ZNF469: variants seen among roughly 807,000 people sequenced by gnomAD.
ZNF469 encodes the protein zinc finger protein 469.
A neutral mutation model predicts 1.0 loss-of-function variants in ZNF469; 1 was observed. The ratio of observed to expected loss-of-function variants is 1.00; its 90% CI spans 0.35 to 4.73. ZNF469 has a LOEUF of 4.73. Among genes scored for constraint, ZNF469 ranks in the 30% most tolerant of loss-of-function variants. ZNF469 has a pLI of 0.16. For missense variants in ZNF469, 6,100 were observed against 5,356.3 expected (o/e 1.14, Z -4.33); for synonymous variants, 2,703 against 2,363.4 (o/e 1.14, Z -4.17).
In ZNF469 at chr16:88,434,122, G is replaced by A; in HGVS notation, c.6652G>A (p.Glu2218Lys). The change falls in exon 3 of 3, where the codon GAG becomes AAG. Residue 2218 changes from glutamate (E) to lysine (K), a missense_variant. Glu to Lys is a moderately conservative substitution (Grantham distance 56, BLOSUM62 1). Transcript: ENST00000565624. ...CCTGGCTGGTTGCCTTCTCCAGGGG[G>A]AGGGCAGCCCCCTGGAAGACCCTTC... ...EALAGCLLQG[E>K]GSPLEDPSSW... 2 of 1,550,350 alleles carry A rather than the reference G, an allele frequency of 1.3e-6. No homozygotes were observed. Among genetic ancestry groups the A allele is most frequent in the East Asian group, 4.9e-5 (2 of 40,916 alleles).
At chr16:88,115,294 A>T in the ZNF469 span, among the ~76,000 whole-genome samples, 1 of 152,056 alleles carries the variant, frequency 6.6e-6, no homozygotes, top group Non-Finnish European at 1.5e-5. Flanking sequence ...TCTGCAATAG[A>T]TATATATTAT....
the ZNF469 span, among the ~76,000 whole-genome samples, chr16:88,197,629 A>G: frequency 2.0e-5 from 3 of 152,122 alleles, no homozygotes; most frequent in Non-Finnish European, 4.4e-5. Flanking sequence ...TACCCTCCCC[A>G]TGGTTCCTGG....
chr16:88,274,557 C>T, the ZNF469 span, among the ~76,000 whole-genome samples: 1 of 152,230 alleles, frequency 6.6e-6, no homozygotes, highest in Non-Finnish European at 1.5e-5. Flanking sequence ...AGGCTGGTGT[C>T]CGGGCGGGGC....
At position 88,412,485 on chromosome 16, in the gene ZNF469, C is replaced by CT. The variant is rs372445830; in HGVS notation, c.-191-12318dup. Among the ~76,000 whole-genome samples the CT allele has an allele frequency of 8.5e-4, 130 of 152,338 alleles. 3 individuals carry two copies. Among genetic ancestry groups the CT allele is most frequent in the African/African-American group, 2.9e-3 (122 of 41,588 alleles). The stretch of plus-strand genomic sequence containing the variant: ...TTCATGAGGTCTTTGCCAGTGAAGG[C>CT]TTTTCCTGCTCCAATGGCGGTTCCA... On this transcript the variant is annotated intron_variant, in intron 1 of 2. Transcript: ENST00000565624.
In ZNF469 at chr16:88,434,290, G is replaced by A. The variant is rs560650237; in HGVS notation, c.6820G>A (p.Ala2274Thr). 11 of 1,550,362 alleles carry A rather than the reference G, an allele frequency of 7.1e-6. No homozygotes were observed. The African/African-American group carries it at 1.5e-4, about 21-fold the overall frequency. ...TGGCCGAGCCACCTCTCCTCCTCTGGCAGGGGCCGTCTCCCCCAGCGTGGC... is the reference window on the plus strand; with the variant it reads ...TGGCCGAGCCACCTCTCCTCCTCTGACAGGGGCCGTCTCCCCCAGCGTGGC... ...SPGRATSPPLAGAVSPSVAVR... is the reference protein window; with the variant it reads ...SPGRATSPPLTGAVSPSVAVR... Residue 2274 changes from alanine (A) to threonine (T), a missense_variant, in exon 3 of 3, where the codon GCA becomes ACA. Physicochemically the swap from Ala to Thr is moderately conservative, Grantham distance 58. Transcript: ENST00000565624.
Position 88,430,942 on chromosome 16 carries a change from C to G in ZNF469, c.3472C>G (p.Pro1158Ala). 1 of 1,535,624 alleles carries G rather than the reference C, an allele frequency of 6.5e-7. No individual in the cohort carries two copies. The highest frequency in any genetic ancestry group is 1.2e-5 in the South Asian group (1 of 83,798). ...GDGAPANPEE[P>A]GGSRPGPGRS... ...CGGAGCCCCCGCGAACCCCGAGGAG[C>G]CGGGCGGGTCTCGCCCGGGCCCCGG... The change falls in exon 3 of 3, where the codon CCG becomes GCG. Residue 1158 changes from proline (P) to alanine (A), a missense_variant. Coordinates refer to ENST00000565624, the MANE Select transcript of ZNF469 (RefSeq NM_001367624.2).
At chr16:88,378,193 G>C (rs1218342363), upstream of ZNF469, among the ~76,000 whole-genome samples, 1 of 152,166 alleles carries the variant, frequency 6.6e-6, no homozygotes, top group Non-Finnish European at 1.5e-5. Context: ...AGATGAGCAA[G>C]TGGAAACTCA....
the ZNF469 span, among the ~76,000 whole-genome samples, chr16:88,211,781 G>A: frequency 5.8e-3 from 878 of 152,158 alleles, 2 homozygotes; most frequent in Middle Eastern, 0.01. Context: ...TGTTCAAGCC[G>A]GTATGCTTGT....
At chr16:88,148,972 C>T in the ZNF469 span, among the ~76,000 whole-genome samples, 3 of 152,162 alleles carry the variant, frequency 2.0e-5, no homozygotes, top group Non-Finnish European at 2.9e-5. Flanking sequence ...ACCCTCACTG[C>T]GGGCCACCAT....
At chr16:88,350,933 A>C in the ZNF469 span, among the ~76,000 whole-genome samples, 1 of 152,192 alleles carries the variant, frequency 6.6e-6, no homozygotes, top group African/African-American at 2.4e-5. Context: ...AAGCAGTGAG[A>C]GTGATTTTGG....
At chr16:88,267,952 C>G in the ZNF469 span, among the ~76,000 whole-genome samples, 2 of 151,960 alleles carry the variant, frequency 1.3e-5, no homozygotes, top group South Asian at 4.2e-4. Context: ...CCCATGCCCC[C>G]CGGCAGCAAG....
Position 88,436,602 on chromosome 16 carries a change from G to A in ZNF469, c.9132G>A (p.Thr3044=), listed in dbSNP as rs1393081908. 3.2e-6 allele frequency: 5 copies of A among 1,550,290 alleles called. No homozygotes were observed. Among genetic ancestry groups the A allele is most frequent in the Admixed American group, 2.0e-5 (1 of 51,016 alleles). The change falls in exon 3 of 3, where the codon ACG becomes ACA. Residue 3044 remains threonine (T), a synonymous_variant. Transcript: ENST00000565624. ...GNTHLLPLRA[T]DFEVLSTKFE... The stretch of plus-strand genomic sequence containing the variant: ...CCCACCTGCTGCCGCTCCGTGCCAC[G>A]GACTTTGAGGTGCTCAGCACCAAGT...
At chr16:88,283,704 CT>C in the ZNF469 span, among the ~76,000 whole-genome samples, 1 of 152,248 alleles carries the variant, frequency 6.6e-6, no homozygotes, top group South Asian at 2.1e-4. Context: ...GGGCTGGCCA[CT>C]TTCCGGATGG....
the ZNF469 span, among the ~76,000 whole-genome samples, chr16:88,277,435 C>T: frequency 7.6e-6 from 1 of 130,950 alleles, no homozygotes; most frequent in East Asian, 2.3e-4. Flanking sequence ...GTTAGTGCTG[C>T]ACCACACTGA....
the ZNF469 span, among the ~76,000 whole-genome samples, chr16:88,280,846 G>C: frequency 3.3e-5 from 5 of 150,278 alleles, no homozygotes; most frequent in Non-Finnish European, 5.9e-5. Context: ...TACTGTGCTG[G>C]TGTCGGTGCA....
chr16:88,259,698 C>A, the ZNF469 span, among the ~76,000 whole-genome samples: 1 of 151,936 alleles, frequency 6.6e-6, no homozygotes, highest in African/African-American at 2.4e-5. The surrounding 1 kb of genome is among the most constrained non-coding windows in gnomAD (Gnocchi z 4.1). Flanking sequence ...CTCACCCCCA[C>A]CTGCACTCAC....
chr16:88,284,301 C>T, the ZNF469 span, among the ~76,000 whole-genome samples: 1 of 152,168 alleles, frequency 6.6e-6, no homozygotes, highest in Admixed American at 6.5e-5. Flanking sequence ...AAAATGGACG[C>T]CAGGCTGGGC....
At chr16:88,264,411 C>G in the ZNF469 span, among the ~76,000 whole-genome samples, 1 of 151,958 alleles carries the variant, frequency 6.6e-6, no homozygotes, top group African/African-American at 2.4e-5. Context: ...GTCTCCAAGC[C>G]TGGGGTGCTG....
the ZNF469 span, among the ~76,000 whole-genome samples, chr16:88,151,627 G>A: frequency 3.2e-4 from 49 of 152,288 alleles, no homozygotes; most frequent in African/African-American, 1.1e-3. The surrounding 1 kb of genome is among the most constrained non-coding windows in gnomAD (Gnocchi z 5.4). Context: ...CGTGTGGATT[G>A]GTAGGCACCA....
Sources: allele counts gnomAD v4.1 joint callset (sites outside exome capture counted in the v4.1 genomes callset), GRCh38; gene constraint gnomAD v4.1.1; non-coding constraint Gnocchi (gnomAD v3.1); transcripts MANE v1.5; gene names NCBI Gene and HGNC (gene_info 2026-07-23, HGNC 2026-07-21).